Variants in KMT2B observed in about 807,000 individuals in gnomAD.
The protein encoded by KMT2B is histone-lysine N-methyltransferase 2B.
A neutral mutation model predicts 255.3 loss-of-function variants in KMT2B; 22 were observed. The ratio of observed to expected loss-of-function variants is 0.09; its 90% CI spans 0.06 to 0.12. The LOEUF is 0.12. Ranked by LOEUF, KMT2B falls within the 10% of genes least tolerant of loss-of-function variation. The pLI is 1.00. For synonymous variants in KMT2B, 1,730 were observed against 1,498.1 expected (o/e 1.15, Z -3.57); for missense variants, 3,149 against 3,737.0 (o/e 0.84, Z 4.10).
rs374066966 is a variant in KMT2B at position 35,723,995 on chromosome 19, C to T, written c.3322C>T (p.Pro1108Ser). The change falls in exon 8 of 37, where the codon CCC (proline) becomes TCC (serine). Residue 1108 changes from proline to serine, a missense_variant. Pro to Ser is a moderately conservative substitution (Grantham distance 74). Coordinates refer to ENST00000420124, the MANE Select transcript of KMT2B (RefSeq NM_014727.3). The surrounding 1 kb of genome is among the most constrained non-coding windows in gnomAD (Gnocchi z 7.5). ...CCCCCCTGCTCCTCGGCGTCGGACC[C>T]CCCGAGAAAATGGTGCGAACTGCTT... The part of the protein sequence containing the change: ...GGPPAPRRRT[P>S]RENELPLPEP... The T allele has an allele frequency of 2.5e-6, 4 of 1,588,106 alleles. No homozygotes were observed. The highest frequency in any genetic ancestry group is 3.4e-6 in the Non-Finnish European group (4 of 1,167,678).
intron 23 of KMT2B, 74 bp downstream of exon 23, chr19:35,730,199 C>T (rs1401061801): frequency 6.2e-7 from 1 of 1,602,836 alleles, no homozygotes; most frequent in East Asian, 2.2e-5. Flanking sequence ...CCCGTGGCCC[C>T]CAGGCCTGGC....
At position 35,722,358 on chromosome 19, in the gene KMT2B, G is replaced by C. The variant is rs761646859; in HGVS notation, c.2458-1G>C. On this transcript the variant is annotated splice_acceptor_variant, in intron 3 of 36. Transcript: ENST00000420124. LOFTEE classifies it high-confidence loss of function. The stretch of plus-strand genomic sequence containing the variant: ...CCCTGACCCTGTTTATTCCCTGCCA[G>C]CTGAGCCCTGGAGGGCAGATGGAGG... The C allele has an allele frequency of 6.2e-7, 1 of 1,607,144 alleles. No individual in the cohort carries two copies. The highest frequency in any genetic ancestry group is 8.5e-7 in the Non-Finnish European group (1 of 1,178,680).
Position 35,720,472 on chromosome 19 carries a change from C to G in KMT2B, c.1125C>G (p.Asp375Glu). The G allele has an allele frequency of 6.4e-7, 1 of 1,551,870 alleles. No homozygotes were observed. The highest frequency in any genetic ancestry group is 8.7e-7 in the Non-Finnish European group (1 of 1,146,936). Residue 375 changes from aspartate to glutamate, a missense_variant, in exon 3 of 37, where the codon GAC becomes GAG. By Grantham distance (45) the Asp-to-Glu change is conservative. Coordinates refer to ENST00000420124, the MANE Select transcript of KMT2B (RefSeq NM_014727.3). The stretch of plus-strand genomic sequence containing the variant: ...AGAAGAAAGAAGAAGAAGAAAAAGA[C>G]AAGGAGGGAGAAGAGAAGGAAGAAA... ...EEEKKEEEEK[D>E]KEGEEKEERA...
intron 14 of KMT2B, 148 bp downstream of exon 14, chr19:35,726,501 G>A (rs1969453897): frequency 1.5e-6 from 1 of 653,306 alleles, no homozygotes; most frequent in South Asian, 1.7e-5. Context: ...CTCTTCCACA[G>A]GAGTCCATCC....
chr19:35,729,554 A>G (rs1228630537), intron 22 of KMT2B, among the ~76,000 whole-genome samples: 2 of 152,136 alleles, frequency 1.3e-5, no homozygotes, highest in African/African-American at 4.8e-5. Flanking sequence ...CACGCTTTCC[A>G]TGCTGGGTGG....
At position 35,718,794 on chromosome 19, in the gene KMT2B, C is replaced by T. The variant is rs1969063401; in HGVS notation, c.363+413C>T. Among the ~76,000 whole-genome samples the T allele has an allele frequency of 6.6e-6, 1 of 152,200 alleles. No individual in the cohort carries two copies. ...GGGCCGCCCCGCCGGGCCTCGCAAC[C>T]TCCTGGTTTCTCCAGGGCCCCAGTT... On this transcript the variant is annotated intron_variant, in intron 1 of 36. Transcript: ENST00000420124. This position sits in a 1 kb window ranked among gnomAD's most constrained non-coding sequence, Gnocchi z 5.0.
At chr19:35,724,151 T>G (rs1178048259) in intron 8 of KMT2B, 144 bp downstream of exon 8, 1 of 760,296 alleles carries the variant, frequency 1.3e-6, no homozygotes. Flanking sequence ...AGTTTTTAGG[T>G]GGATGTACAG....
rs1301208715 is a variant in KMT2B at position 35,726,337 on chromosome 19, C to T, written c.3987C>T (p.Thr1329=). 55 of 1,612,620 alleles carry T rather than the reference C, an allele frequency of 3.4e-5. No homozygotes were observed. The highest frequency in any genetic ancestry group is 4.4e-5 in the Non-Finnish European group (52 of 1,178,924). Residue 1329 remains threonine, a synonymous_variant, in exon 14 of 37, where the codon ACC becomes ACT. Coordinates refer to ENST00000420124, the MANE Select transcript of KMT2B (RefSeq NM_014727.3). ...ATTACAGCCTCTGCCCCAGGTGCAC[C>T]CAGCTATATGAGAAAGGTGGGGACC... ...SGDYSLCPRC[T]QLYEKGNYCP... is the part of the protein sequence containing the mutation.
In KMT2B at chr19:35,729,248, C is replaced by T. The variant is rs571320506; in HGVS notation, c.4869C>T (p.Asp1623=). ...IWSAEVFEEN[D]GSLKNVHAAV... ...CGGCGGAAGTCTTCGAGGAGAACGACGGCTCCCTCAAGAATGTGCATGCTG... is the reference window on the plus strand; with the variant it reads ...CGGCGGAAGTCTTCGAGGAGAACGATGGCTCCCTCAAGAATGTGCATGCTG... The change falls in exon 22 of 37, where the codon GAC becomes GAT. Residue 1623 remains aspartate (D), a synonymous_variant. Transcript: ENST00000420124. 4.7e-5 allele frequency: 76 copies of T among 1,605,510 alleles called. No individual in the cohort carries two copies. In the South Asian group the frequency reaches 4.9e-4, roughly 10 times the overall value.
At chr19:35,722,301 C>T (rs1969248891) in intron 3 of KMT2B, 58 bp from the exon 4 acceptor site, 5 of 1,500,720 alleles carry the variant, frequency 3.3e-6, no homozygotes, top group East Asian at 2.4e-5. Context: ...CCACACCCAG[C>T]TCCCTGTCCC....
In KMT2B at chr19:35,721,714, G is replaced by C. The variant is rs780241698; in HGVS notation, c.2367G>C (p.Glu789Asp). Residue 789 changes from glutamate to aspartate, a missense_variant, in exon 3 of 37, where the codon GAG becomes GAC. This residue lies in a region of KMT2B where 1,188 missense variants were observed against 1,106.4 expected (regional missense o/e 1.07). Coordinates refer to ENST00000420124, the MANE Select transcript of KMT2B (RefSeq NM_014727.3). ...GTTCCTTGCCGCTGTCTGGGGTAGA[G>C]GAGAAGATGTTCAGCCTCCTCAAGA... ...GVGSLPLSGV[E>D]EKMFSLLKRA... The C allele has an allele frequency of 6.2e-7, 1 of 1,610,576 alleles. No individual in the cohort carries two copies. Among genetic ancestry groups the C allele is most frequent in the South Asian group, 1.1e-5 (1 of 90,640 alleles).
In KMT2B at chr19:35,727,860, C is replaced by G; in HGVS notation, c.4393-21C>G. The stretch of plus-strand genomic sequence containing the variant: ...TGGAATTGTGCAGAGGGGACTCAGT[C>G]TCTGACAAACCCCCTTACAGCACAG... On this transcript the variant is annotated intron_variant, in intron 17 of 36. Coordinates refer to ENST00000420124, the MANE Select transcript of KMT2B (RefSeq NM_014727.3). The surrounding 1 kb of genome is among the most constrained non-coding windows in gnomAD (Gnocchi z 4.2). The G allele has an allele frequency of 1.2e-6, 2 of 1,611,060 alleles. No homozygotes were observed. The highest frequency in any genetic ancestry group is 1.7e-6 in the Non-Finnish European group (2 of 1,177,864).
intron 19 of KMT2B, 146 bp downstream of exon 19, chr19:35,728,317 T>C: frequency 1.5e-6 from 1 of 675,338 alleles, no homozygotes. Context: ...CAGGTGAGAT[T>C]CCCTGGTGGT....
chr19:35,722,940 G>A (rs2146444014), intron 5 of KMT2B, 55 bp from the exon 6 acceptor site: 3 of 1,480,364 alleles, frequency 2.0e-6, no homozygotes, highest in East Asian at 2.4e-5. Context: ...GGGAAGTGAG[G>A]TAGAAGCCTG....
In KMT2B at chr19:35,722,710, C is replaced by A; in HGVS notation, c.2714C>A (p.Ala905Asp). The part of the protein sequence containing the change: ...ALPLRDRQDL[A>D]TEDTSSASET... ...CCTCTCCGGGATCGGCAGGACCTCG[C>A]CACAGAGGGTAGGTGGGGAGACTGG... Residue 905 changes from alanine to aspartate, a missense_variant, in exon 5 of 37, where the codon GCC becomes GAC. Physicochemically the swap from Ala to Asp is moderately radical, Grantham distance 126. This residue lies in a region of KMT2B where 132 missense variants were observed against 174.7 expected (regional missense o/e 0.76). Transcript: ENST00000420124. The A allele has an allele frequency of 6.3e-7, 1 of 1,598,336 alleles. No individual in the cohort carries two copies. Among genetic ancestry groups the A allele is most frequent in the Non-Finnish European group, 8.5e-7 (1 of 1,172,142 alleles).
At chr19:35,722,189 GA>G (rs1191223746) in intron 3 of KMT2B, 169 bp from the exon 4 acceptor site, 1 of 257,992 alleles carries the variant, frequency 3.9e-6, no homozygotes, top group Non-Finnish European at 6.1e-6. Context: ...ATTTTTAGTA[GA>G]GACAGGGTTT....
chr19:35,736,849 G>T, intron 31 of KMT2B, 22 bp downstream of exon 31: 1 of 1,613,940 alleles, frequency 6.2e-7, no homozygotes. Flanking sequence ...GAGTGCAGTG[G>T]CAGGAGGGAG....
rs1969397677 is a variant in KMT2B, at chr19:35,725,491, C to G, written c.3655C>G (p.Gln1219Glu). 5.0e-6 allele frequency: 8 copies of G among 1,611,130 alleles called. No homozygotes were observed. Among genetic ancestry groups the G allele is most frequent in the African/African-American group, 2.7e-5 (2 of 74,950 alleles). Residue 1219 changes from glutamine (Q) to glutamate (E), a missense_variant, in exon 12 of 37, where the codon CAA becomes GAA. Around this residue, in one of 18 missense-constraint regions of KMT2B, gnomAD observed 42 missense variants for 121.0 expected, o/e 0.35. Coordinates refer to ENST00000420124, the MANE Select transcript of KMT2B (RefSeq NM_014727.3). The surrounding 1 kb of genome is among the most constrained non-coding windows in gnomAD (Gnocchi z 4.1). ...SKGLHELVFC[Q>E]VCCDPFHPFC... ...ACCCTGTCCCCAGCTGGTGTTCTGT[C>G]AAGTCTGCTGTGACCCATTCCACCC... is the stretch of plus-strand genomic sequence containing the variant.
At chr19:35,724,183 G>A (rs1969334157) in intron 8 of KMT2B, among the ~76,000 whole-genome samples, 176 bp downstream of exon 8, 1 of 152,164 alleles carries the variant, frequency 6.6e-6, no homozygotes, top group Admixed American at 6.5e-5. Context: ...GAGGTTCTCA[G>A]TGAGCCTAAT....
Sources: allele counts gnomAD v4.1 joint callset (sites outside exome capture counted in the v4.1 genomes callset), GRCh38; gene constraint gnomAD v4.1.1; regional missense constraint gnomAD v4.1.1; non-coding constraint Gnocchi (gnomAD v3.1); transcripts MANE v1.5; gene names NCBI Gene and HGNC (gene_info 2026-07-23, HGNC 2026-07-21).